ZNF445: variants seen among roughly 807,000 people sequenced by gnomAD.
The protein encoded by ZNF445 is zinc finger protein 445, also known as zinc finger protein 168.
A neutral mutation model predicts 93.9 loss-of-function variants in ZNF445; 19 were observed. The observed-to-expected ratio is 0.20, with a 90% CI of 0.14 to 0.30. ZNF445 has a LOEUF of 0.30. ZNF445 is among the 10% of genes least tolerant of loss of function. The pLI, the probability that ZNF445 is intolerant of heterozygous loss-of-function variation, is 1.00. For missense variants in ZNF445, 1,058 were observed against 1,259.4 expected (o/e 0.84, Z 2.42); for synonymous variants, 449 against 446.3 (o/e 1.01, Z -0.08).
intron 2 of ZNF445, among the ~76,000 whole-genome samples, chr3:44,455,971 G>A (rs995459644): frequency 4.6e-5 from 7 of 152,146 alleles, no homozygotes; most frequent in East Asian, 3.9e-4. Context: ...CAGACATACC[G>A]TATGCATGTA....
Position 44,446,765 on chromosome 3 carries a change from T to C in ZNF445, c.2906A>G (p.Gln969Arg), listed in dbSNP as rs758174102. 6.2e-7 allele frequency: 1 copy of C among 1,614,248 alleles called. No homozygotes were observed. The highest frequency in any genetic ancestry group is 1.7e-5 in the Admixed American group (1 of 60,030). Residue 969 changes from glutamine (Q) to arginine (R), a missense_variant, in exon 8 of 8, where the codon CAG becomes CGG. Physicochemically the swap from Gln to Arg is conservative, Grantham distance 43. Coordinates refer to ENST00000396077, the MANE Select transcript of ZNF445 (RefSeq NM_181489.6). The surrounding 1 kb of genome is among the most constrained non-coding windows in gnomAD (Gnocchi z 4.2). Reference protein sequence around the residue: ...CSQSSRLTGLQDISIGKKCHK... With the variant: ...CSQSSRLTGLRDISIGKKCHK... ...GCACTTTTTCCCAATGCTTATGTCC[T>C]GGAGTCCAGTGAGCCTGGAGCTCTG... is the stretch of plus-strand genomic sequence containing the variant.
chr3:44,465,363 G>A (rs1698179597), intron 1 of ZNF445, among the ~76,000 whole-genome samples: 1 of 152,194 alleles, frequency 6.6e-6, no homozygotes, highest in Non-Finnish European at 1.5e-5. Flanking sequence ...GTAAAGGGTT[G>A]ATCTTGTAAA....
rs1480338983 is a variant in ZNF445, at chr3:44,432,596, C to G, written c.*13979G>C. 1 of 152,082 alleles carries G rather than the reference C, an allele frequency of 6.6e-6. No homozygotes were observed. The highest frequency in any genetic ancestry group is 6.5e-5 in the Admixed American group (1 of 15,268). The allele number at this position is 152,082 out of a possible 1,614,324, so 9.4% of individuals were successfully genotyped here. On this transcript the variant is annotated 3_prime_UTR_variant, in exon 8 of 8. Coordinates refer to ENST00000396077, the MANE Select transcript of ZNF445 (RefSeq NM_181489.6). Reference sequence around the variant, plus strand: ...AGGTCTTCAGGTGATTGGATGAAGCCCACCCACAGATAGAGGGCAATCTGC... The same window carrying G: ...AGGTCTTCAGGTGATTGGATGAAGCGCACCCACAGATAGAGGGCAATCTGC...
At position 44,450,989 on chromosome 3, in the gene ZNF445, C is replaced by T. The variant is rs368391457; in HGVS notation, c.599-27G>A. On this transcript the variant is annotated intron_variant, in intron 4 of 7. Coordinates refer to ENST00000396077, the MANE Select transcript of ZNF445 (RefSeq NM_181489.6). ...TGAAGGAGAAAAAGCCATGAGAGAG[C>T]GGCTCAGCTCTGGACAGCCCAGTGA... 2.1e-3 allele frequency: 3,224 copies of T among 1,531,764 alleles called. 87 individuals are homozygous for T. In the South Asian group the frequency reaches 0.037, roughly 17 times the overall value. 94.9% of individuals were successfully genotyped at this position (1,531,764 alleles called of 1,614,324 possible).
intron 1 of ZNF445, among the ~76,000 whole-genome samples, chr3:44,464,326 G>C (rs2125683684): frequency 6.6e-6 from 1 of 152,198 alleles, no homozygotes. Flanking sequence ...GTTCCTCCAA[G>C]GGCTCAATTC....
chr3:44,435,795 T>C lies in ZNF445; in HGVS notation c.*10780A>G, dbSNP rs774694034. 1.2e-4 allele frequency: 18 copies of C among 152,206 alleles called. No homozygotes were observed. The highest frequency in any genetic ancestry group is 2.5e-4 in the Non-Finnish European group (17 of 68,040). The allele number at this position is 152,206 out of a possible 1,614,324, so 9.4% of individuals were successfully genotyped here. Reference sequence around the variant, plus strand: ...GGGTTCAGGAATCTACTAGATCTACTGTGAGATGAATCTGAGCCAAAAAGC... The same window carrying C: ...GGGTTCAGGAATCTACTAGATCTACCGTGAGATGAATCTGAGCCAAAAAGC... On this transcript the variant is annotated 3_prime_UTR_variant, in exon 8 of 8. Coordinates refer to ENST00000396077, the MANE Select transcript of ZNF445 (RefSeq NM_181489.6).
intron 1 of ZNF445, among the ~76,000 whole-genome samples, chr3:44,461,263 TG>T (rs1352334328): frequency 3.3e-5 from 5 of 152,182 alleles, no homozygotes; most frequent in Admixed American, 2.6e-4. Flanking sequence ...GCACCACTGC[TG>T]GGTGTCTGTT....
intron 4 of ZNF445, 97 bp downstream of exon 4, chr3:44,451,217 G>A: frequency 2.8e-6 from 4 of 1,441,830 alleles, no homozygotes; most frequent in Middle Eastern, 1.8e-4. Flanking sequence ...AGGACAGAAG[G>A]AGATTCTCAT....
At chr3:44,450,694 A>T in intron 5 of ZNF445, 121 bp from the exon 6 acceptor site, 1 of 1,405,264 alleles carries the variant, frequency 7.1e-7, no homozygotes, top group Non-Finnish European at 9.7e-7. Flanking sequence ...GGTGAAAGGG[A>T]AGACCATCAC....
At position 44,434,752 on chromosome 3, in the gene ZNF445, G is replaced by A. The variant is rs1159731831; in HGVS notation, c.*11823C>T. On this transcript the variant is annotated 3_prime_UTR_variant, in exon 8 of 8. Coordinates refer to ENST00000396077, the MANE Select transcript of ZNF445 (RefSeq NM_181489.6). Reference sequence around the variant, plus strand: ...GGTATAGAGAAACATTCACCAGATGGGTAACTGGGCAGCCAAGGGGATAAT... The same window carrying A: ...GGTATAGAGAAACATTCACCAGATGAGTAACTGGGCAGCCAAGGGGATAAT... 5 of 152,204 alleles carry A rather than the reference G, an allele frequency of 3.3e-5. No homozygotes were observed. The highest frequency in any genetic ancestry group is 1.2e-4 in the African/African-American group (5 of 41,436). 9.4% of individuals were successfully genotyped at this position (152,204 alleles called of 1,614,324 possible).
intron 1 of ZNF445, among the ~76,000 whole-genome samples, chr3:44,469,311 T>G (rs1295083355): frequency 6.6e-6 from 1 of 152,176 alleles, no homozygotes; most frequent in African/African-American, 2.4e-5. Flanking sequence ...ACTTGCAATG[T>G]GTTGGTCCCT....
In ZNF445 at chr3:44,446,608, C is replaced by T; in HGVS notation, c.3063G>A (p.Leu1021=). The T allele has an allele frequency of 6.2e-7, 1 of 1,614,228 alleles. No homozygotes were observed. The change falls in exon 8 of 8, where the codon CTG becomes CTA. Residue 1021 remains leucine (L), a synonymous_variant. Transcript: ENST00000396077. This position sits in a 1 kb window ranked among gnomAD's most constrained non-coding sequence, Gnocchi z 4.2. ...CGKTFRWSSN[L]ARHMKNHIRD Reference sequence around the variant, plus strand: ...TAATATGGTTTTTCATATGCCGAGCCAGGTTCGAAGACCACCTGAAGGTCT... The same window carrying T: ...TAATATGGTTTTTCATATGCCGAGCTAGGTTCGAAGACCACCTGAAGGTCT...
intron 1 of ZNF445, among the ~76,000 whole-genome samples, chr3:44,463,482 A>ATGAATTTAATTCCT (rs1698148568): frequency 6.6e-6 from 1 of 152,228 alleles, no homozygotes; most frequent in East Asian, 1.9e-4. Flanking sequence ...TCATGAAACC[A>ATGAATTTAATTCCT]CAGGAATTAA....
At chr3:44,471,711 G>T (rs73829652) in intron 1 of ZNF445, among the ~76,000 whole-genome samples, 183 of 152,280 alleles carry the variant, frequency 1.2e-3, no homozygotes, top group African/African-American at 4.1e-3. Context: ...GGATAAAAAA[G>T]AAACTACAGC....
rs1306772704 is a variant in ZNF445, at chr3:44,433,390, A to C, written c.*13185T>G. ...AGTGTTGGGATTACAGGTGTGAGCC[A>C]CCGTGCCTGGCCTAAGCCTCACTGT... is the stretch of plus-strand genomic sequence containing the variant. On this transcript the variant is annotated 3_prime_UTR_variant, in exon 8 of 8. Transcript: ENST00000396077. 1 of 152,348 alleles carries C rather than the reference A, an allele frequency of 6.6e-6. No homozygotes were observed. Among genetic ancestry groups the C allele is most frequent in the East Asian group, 1.9e-4 (1 of 5,204 alleles). 9.4% of individuals were successfully genotyped at this position (152,348 alleles called of 1,614,324 possible). A position where few individuals can be genotyped will look rare whatever the true frequency, so the allele number is the denominator to read the frequency against.
At chr3:44,465,739 C>A (rs1698183439) in intron 1 of ZNF445, among the ~76,000 whole-genome samples, 1 of 152,008 alleles carries the variant, frequency 6.6e-6, no homozygotes, top group African/African-American at 2.4e-5. Context: ...ATGGTGAAAC[C>A]CCATCTCTAC....
rs748817390 is a variant in ZNF445 at position 44,455,557 on chromosome 3, G to A, written c.-8C>T. The stretch of plus-strand genomic sequence containing the variant: ...CCACCTGCCTGGAGGCATCACTCCT[G>A]TTCAGGGACTAACCAGAAGAGTGCG... On this transcript the variant is annotated 5_prime_UTR_variant, in exon 3 of 8. Transcript: ENST00000396077. 3.2e-6 allele frequency: 5 copies of A among 1,579,152 alleles called. No individual in the cohort carries two copies. In the African/African-American group the frequency reaches 5.4e-5, roughly 17 times the overall value.
At chr3:44,468,758 T>C (rs1351445008) in intron 1 of ZNF445, among the ~76,000 whole-genome samples, 1 of 144,584 alleles carries the variant, frequency 6.9e-6, no homozygotes, top group East Asian at 2.1e-4. Context: ...TCAGCACTCC[T>C]GGCTCACTGG....
rs75462711 is a variant in ZNF445 at position 44,442,188 on chromosome 3, C to G, written c.*4387G>C. 6.6e-6 allele frequency: 1 copy of G among 152,208 alleles called. No homozygotes were observed. Among genetic ancestry groups the G allele is most frequent in the Non-Finnish European group, 1.5e-5 (1 of 68,044 alleles). 9.4% of individuals were successfully genotyped at this position (152,208 alleles called of 1,614,324 possible). A position where few individuals can be genotyped will look rare whatever the true frequency, so the allele number is the denominator to read the frequency against. On this transcript the variant is annotated 3_prime_UTR_variant, in exon 8 of 8. Transcript: ENST00000396077. The stretch of plus-strand genomic sequence containing the variant: ...TTCATCTATCTGTGTTGAGACGTAA[C>G]TCTTTCATATTCACTTTCCAAGGAC...
Sources: gnomAD v4.1 joint callset for allele counts (sites outside exome capture counted in the v4.1 genomes callset) on GRCh38, gnomAD v4.1.1 for gene constraint, Gnocchi (gnomAD v3.1) non-coding constraint, MANE v1.5 for transcripts, NCBI Gene and HGNC (gene_info 2026-07-23, HGNC 2026-07-21) for gene names.